The following LARGE1 variants were observed in gnomAD, a reference collection of about 807,000 sequenced individuals.
The protein encoded by LARGE1 is LARGE xylosyl- and glucuronyltransferase 1, also known as xylosyl- and glucuronyltransferase LARGE1.
A neutral mutation model predicts 87.6 loss-of-function variants in LARGE1; 43 were observed. That is an observed-to-expected ratio of 0.49 (90% CI 0.38 to 0.63). LARGE1 has a LOEUF of 0.63. Among genes scored for constraint, LARGE1 ranks in the 30% least tolerant of loss-of-function variants. The pLI is 0.00. For synonymous variants in LARGE1, 434 were observed against 394.6 expected, an observed-to-expected ratio of 1.10 and a Z score of -1.18; for missense variants, 802 against 1,000.2, an observed-to-expected ratio of 0.80 and a Z score of 2.67.
intron 6 of LARGE1, among the ~76,000 whole-genome samples, chr22:33,448,614 TC>T (rs548651708): frequency 1.3e-5 from 2 of 152,240 alleles, no homozygotes; most frequent in South Asian, 4.2e-4. Flanking sequence ...CTTTAAGGTG[TC>T]CCAGATCAAA....
chr22:33,758,543 T>C (rs1456554524), intron 2 of LARGE1, among the ~76,000 whole-genome samples: 2 of 152,192 alleles, frequency 1.3e-5, no homozygotes, highest in East Asian at 1.9e-4. Flanking sequence ...AAGGATCATG[T>C]TGATAGATAC....
At chr22:33,369,849 G>A (rs2064743664) in intron 9 of LARGE1, among the ~76,000 whole-genome samples, 1 of 151,966 alleles carries the variant, frequency 6.6e-6, no homozygotes. Flanking sequence ...GATTACAGGC[G>A]TGAGCCACTG....
the LARGE1 span, among the ~76,000 whole-genome samples, chr22:33,078,334 T>C: frequency 8.5e-5 from 13 of 152,216 alleles, no homozygotes; most frequent in African/African-American, 2.2e-4. Flanking sequence ...AATACATCTT[T>C]AGCGAGAAAT....
intron 6 of LARGE1, among the ~76,000 whole-genome samples, chr22:33,506,061 G>A (rs982738277): frequency 2.0e-5 from 3 of 152,066 alleles, no homozygotes; most frequent in African/African-American, 7.2e-5. Flanking sequence ...GGGACTCACA[G>A]CCATGAATTC....
At chr22:33,485,913 ATTT>A (rs2069553079) in intron 6 of LARGE1, among the ~76,000 whole-genome samples, 1 of 152,122 alleles carries the variant, frequency 6.6e-6, no homozygotes. Context: ...GTGGGCAGAA[ATTT>A]TTGTCTGTTT....
chr22:33,436,755 T>C (rs1357235695), intron 6 of LARGE1: 2 of 152,582 alleles, frequency 1.3e-5, no homozygotes, highest in South Asian at 2.1e-4. Context: ...TGCCAACAGA[T>C]AGCCTGCATC....
At chr22:33,436,877 C>T (rs1488058848) in intron 6 of LARGE1, among the ~76,000 whole-genome samples, 1 of 152,012 alleles carries the variant, frequency 6.6e-6, no homozygotes, top group African/African-American at 2.4e-5. Flanking sequence ...GGTTTTGGTG[C>T]TAGGAAGAGC....
intron 1 of LARGE1, among the ~76,000 whole-genome samples, chr22:33,768,924 T>C (rs748646173): frequency 1.4e-4 from 22 of 152,204 alleles, no homozygotes; most frequent in Admixed American, 3.3e-4. Context: ...GTGATTCATA[T>C]ATACACGAAT....
chr22:33,870,005 G>A (rs111335689), intron 1 of LARGE1, among the ~76,000 whole-genome samples: 9 of 152,266 alleles, frequency 5.9e-5, no homozygotes, highest in African/African-American at 2.2e-4. Flanking sequence ...AGAAAGATGT[G>A]TTGAAGTCCT....
At chr22:33,850,746 T>C (rs964145445) in intron 1 of LARGE1, among the ~76,000 whole-genome samples, 9 of 152,092 alleles carry the variant, frequency 5.9e-5, no homozygotes, top group African/African-American at 1.2e-4. Flanking sequence ...TGGAGGGGGA[T>C]AGGGCGGAGG....
chr22:33,653,515 T>C (rs1205046490), intron 2 of LARGE1, among the ~76,000 whole-genome samples: 2 of 152,166 alleles, frequency 1.3e-5, no homozygotes, highest in East Asian at 3.9e-4. Context: ...AAATGGGACC[T>C]GTGAGTTTCC....
rs559433118 is a variant in LARGE1, at chr22:33,883,837, G to A, written c.-83+36158C>T. ...AAACCGCAAACCCTAACCCACTCCT[G>A]CCAACACACACACTCCACCCTCCCT... is the stretch of plus-strand genomic sequence containing the variant. On this transcript the variant is annotated intron_variant, in intron 1 of 14. Transcript: ENST00000397394. Among the ~76,000 whole-genome samples the A allele has an allele frequency of 1.8e-4, 28 of 152,156 alleles. 1 individual carries two copies. The South Asian group carries it at 5.6e-3, about 30-fold the overall frequency.
chr22:33,824,324 A>G (rs760913953), intron 1 of LARGE1, among the ~76,000 whole-genome samples: 4 of 152,194 alleles, frequency 2.6e-5, no homozygotes, highest in Non-Finnish European at 4.4e-5. Flanking sequence ...GAAACTTACA[A>G]TCATGGCAGA....
At position 33,528,473 on chromosome 22, in the gene LARGE1, C is replaced by T. The variant is rs147106308; in HGVS notation, c.787+36375G>A. Among the ~76,000 whole-genome samples, 41 of 152,218 alleles carry T rather than the reference C, an allele frequency of 2.7e-4. No individual in the cohort carries two copies. In the East Asian group the frequency reaches 7.3e-3, roughly 27 times the overall value. On this transcript the variant is annotated intron_variant, in intron 6 of 14. Transcript: ENST00000397394. ...GAGCTTCATGGCCCTTCATGTGTCT[C>T]ATGAACAAAAAATGGCAGAGTTAGC...
At chr22:33,321,473 C>A (rs1936707384) in intron 10 of LARGE1, among the ~76,000 whole-genome samples, 1 of 152,244 alleles carries the variant, frequency 6.6e-6, no homozygotes, top group African/African-American at 2.4e-5. Context: ...TGCTCCTAAA[C>A]TCCCTCACCC....
chr22:33,338,349 C>T (rs536118610), intron 9 of LARGE1, among the ~76,000 whole-genome samples: 1 of 152,244 alleles, frequency 6.6e-6, no homozygotes, highest in East Asian at 1.9e-4. Context: ...GTTTTTCCCA[C>T]ACTCAGAACA....
intron 9 of LARGE1, among the ~76,000 whole-genome samples, chr22:33,361,767 C>CTCTTTAGAGTCCCTCT (rs2064397391): frequency 6.7e-6 from 1 of 149,486 alleles, no homozygotes; most frequent in African/African-American, 2.5e-5. Flanking sequence ...AGAGTCCCTC[C>CTCTTTAGAGTCCCTCT]TCTTGCTCTG....
At chr22:33,818,895 G>C (rs1027723379) in intron 1 of LARGE1, among the ~76,000 whole-genome samples, 3 of 152,114 alleles carry the variant, frequency 2.0e-5, no homozygotes, top group Admixed American at 1.3e-4. Context: ...GGTCTCCCTT[G>C]GGTGGGCTGA....
intron 4 of LARGE1, among the ~76,000 whole-genome samples, chr22:33,623,706 A>T (rs1256448429): frequency 2.5e-4 from 6 of 24,306 alleles, no homozygotes; most frequent in Admixed American, 1.5e-3. Context: ...TAACTGATTT[A>T]AAAAAAAAAA....
Sources: allele counts gnomAD v4.1 joint callset (sites outside exome capture counted in the v4.1 genomes callset), GRCh38; gene constraint gnomAD v4.1.1; transcripts MANE v1.5; gene names NCBI Gene and HGNC (gene_info 2026-07-23, HGNC 2026-07-21).